The following ZKSCAN7 variants were observed in gnomAD, a reference collection of about 807,000 sequenced individuals.
ZKSCAN7 encodes the protein zinc finger protein with KRAB and SCAN domains 7.
In ZKSCAN7, 38 loss-of-function variants were observed where a neutral mutation model predicts 65.3. The ratio of observed to expected loss-of-function variants is 0.58; its 90% CI spans 0.45 to 0.76. The LOEUF (loss-of-function observed/expected upper bound fraction) is 0.76, where lower values mean the gene tolerates loss of function less well. ZKSCAN7 is among the 30% of genes least tolerant of loss of function. The pLI is 0.00. For synonymous variants in ZKSCAN7, 321 were observed against 321.0 expected, an observed-to-expected ratio of 1.00 and a Z score of 0.00; for missense variants, 815 against 913.3, an observed-to-expected ratio of 0.89 and a Z score of 1.39.
downstream of ZKSCAN7, among the ~76,000 whole-genome samples, chr3:44,573,652 A>G (rs1163483893): frequency 6.6e-6 from 1 of 152,166 alleles, no homozygotes; most frequent in Admixed American, 6.5e-5. Flanking sequence ...AAGCTCCCAG[A>G]TCCCAGGGAC....
intron 5 of ZKSCAN7, among the ~76,000 whole-genome samples, chr3:44,569,645 C>T (rs771568575): frequency 1.3e-5 from 2 of 152,136 alleles, no homozygotes; most frequent in Non-Finnish European, 2.9e-5. Flanking sequence ...TTGCAATCCA[C>T]TTTTTTGCTT....
chr3:44,580,401 T>C, intron 5 of ZKSCAN7: 1 of 1,601,526 alleles, frequency 6.2e-7, no homozygotes. Context: ...ATCTGGCTGG[T>C]CCTTGGTCCT....
At chr3:44,582,052 C>T (rs996401281) in intron 5 of ZKSCAN7, among the ~76,000 whole-genome samples, 2 of 152,190 alleles carry the variant, frequency 1.3e-5, no homozygotes, top group African/African-American at 2.4e-5. Context: ...ATCCCCTATC[C>T]CTAACATCAG....
downstream of ZKSCAN7, among the ~76,000 whole-genome samples, chr3:44,573,841 A>C (rs1699873511): frequency 6.6e-6 from 1 of 152,190 alleles, no homozygotes; most frequent in African/African-American, 2.4e-5. Flanking sequence ...ACTATTCATA[A>C]CTAAGGTGGG....
rs778712130 is a variant in ZKSCAN7 at position 44,570,175 on chromosome 3, C to A, written c.1065C>A (p.Asp355Glu). The A allele has an allele frequency of 1.2e-6, 2 of 1,614,170 alleles. No homozygotes were observed. The highest frequency in any genetic ancestry group is 8.5e-7 in the Non-Finnish European group (1 of 1,180,028). The change falls in exon 6 of 6, where the codon GAC (aspartate) becomes GAA (glutamate). Residue 355 changes from aspartate (D) to glutamate (E), a missense_variant. Asp to Glu is a conservative substitution (Grantham distance 45). This residue lies in a region of ZKSCAN7 where 578 missense variants were observed against 629.5 expected (regional missense o/e 0.92). Coordinates refer to ENST00000426540, the MANE Select transcript of ZKSCAN7 (RefSeq NM_001288590.2). Reference sequence around the variant, plus strand: ...AAAAATCCACAAAAGACAGATATGACAAATATAAGGAAGTTGGGGAACATC... The same window carrying A: ...AAAAATCCACAAAAGACAGATATGAAAAATATAAGGAAGTTGGGGAACATC... The part of the protein sequence containing the change: ...DKKKSTKDRY[D>E]KYKEVGEHPP...
downstream of ZKSCAN7, among the ~76,000 whole-genome samples, chr3:44,575,195 C>G (rs1699898232): frequency 1.3e-5 from 2 of 152,182 alleles, no homozygotes; most frequent in South Asian, 4.1e-4. Context: ...ATTCAGGAGA[C>G]TGAGGCAGGA....
chr3:44,572,004 AT>A lies in ZKSCAN7; in HGVS notation c.*630del. The A allele has an allele frequency of 1.0e-6, 1 of 986,102 alleles. No individual in the cohort carries two copies. The highest frequency in any genetic ancestry group is 1.2e-6 in the Non-Finnish European group (1 of 830,378). 61.1% of individuals were successfully genotyped at this position (986,102 alleles called of 1,614,324 possible). On this transcript the variant is annotated 3_prime_UTR_variant, in exon 6 of 6. Transcript: ENST00000426540. ...GCTTTGAATTCACTGGTGCTACAAT[AT>A]GTAACTGTGGTTAATTGCCTTGTAA...
In ZKSCAN7 at chr3:44,570,603, A is replaced by G. The variant is rs144736800; in HGVS notation, c.1493A>G (p.Asn498Ser). Residue 498 changes from asparagine (N) to serine (S), a missense_variant, in exon 6 of 6, where the codon AAT becomes AGT. Physicochemically the swap from Asn to Ser is conservative, Grantham distance 46. This residue lies in a region of ZKSCAN7 where 578 missense variants were observed against 629.5 expected (regional missense o/e 0.92). Transcript: ENST00000426540. The part of the protein sequence containing the change: ...THTGEKPYEC[N>S]ECGEAFIRSK... ...ACTGGGGAGAAACCTTATGAATGCA[A>G]TGAGTGTGGAGAGGCATTCATTCGA... 2.2e-5 allele frequency: 35 copies of G among 1,614,122 alleles called. No homozygotes were observed. In the African/African-American group the frequency reaches 3.5e-4, roughly 16 times the overall value.
At chr3:44,572,848 T>TAAAAAAAA (rs1699844379), downstream of ZKSCAN7, among the ~76,000 whole-genome samples, 1 of 31,048 alleles carries the variant, frequency 3.2e-5, no homozygotes, top group Non-Finnish European at 6.4e-5. Context: ...AGACTCTGTC[T>TAAAAAAAA]CAAAAAAAAA....
At chr3:44,582,475 G>A (rs185184602) in intron 5 of ZKSCAN7, among the ~76,000 whole-genome samples, 4 of 152,262 alleles carry the variant, frequency 2.6e-5, no homozygotes, top group East Asian at 1.9e-4. Flanking sequence ...CCAACTAGAC[G>A]TTGATTTCAT....
chr3:44,575,529 A>G (rs1699906325), downstream of ZKSCAN7, among the ~76,000 whole-genome samples: 1 of 152,254 alleles, frequency 6.6e-6, no homozygotes. Flanking sequence ...TAAAAAATCT[A>G]AAAGTTCCCA....
Position 44,555,363 on chromosome 3 carries a change from T to A in ZKSCAN7, c.-237T>A, listed in dbSNP as rs1484979582. 2 of 152,252 alleles carry A rather than the reference T, an allele frequency of 1.3e-5. No homozygotes were observed. Among genetic ancestry groups the A allele is most frequent in the Non-Finnish European group, 2.9e-5 (2 of 68,046 alleles). 9.4% of individuals were successfully genotyped at this position (152,252 alleles called of 1,614,324 possible). A position where few individuals can be genotyped will look rare whatever the true frequency, so the allele number is the denominator to read the frequency against. On this transcript the variant is annotated 5_prime_UTR_variant, in exon 1 of 6. Coordinates refer to ENST00000426540, the MANE Select transcript of ZKSCAN7 (RefSeq NM_001288590.2). ...CCGGCGGCAGGCGGCGCGGTCCCCG[T>A]GACTCTCAGAAGCCGCCCGATGTAG...
chr3:44,567,423 T>G (rs1699668802), intron 3 of ZKSCAN7, among the ~76,000 whole-genome samples: 1 of 152,168 alleles, frequency 6.6e-6, no homozygotes, highest in South Asian at 2.1e-4. Context: ...AAATGTCCCA[T>G]AGGCAATAGG....
chr3:44,581,172 C>T lies in ZKSCAN7; in HGVS notation c.812-1800C>T, dbSNP rs945542979. 11 of 826,934 alleles carry T rather than the reference C, an allele frequency of 1.3e-5. No homozygotes were observed. In the African/African-American group the frequency reaches 1.5e-4, roughly 11 times the overall value. The allele number at this position is 826,934 out of a possible 1,614,324, so 51.2% of individuals were successfully genotyped here. A position where few individuals can be genotyped will look rare whatever the true frequency, so the allele number is the denominator to read the frequency against. ...CCTTCCCTGCGGGCGGCTCGCTGCA[C>T]GCGCCGAGGCTCCTGAGCCGCCCGG... On this transcript the variant is annotated intron_variant, in intron 5 of 5. Transcript: ENST00000341840.
At position 44,570,480 on chromosome 3, in the gene ZKSCAN7, A is replaced by G. The variant is rs1383805711; in HGVS notation, c.1370A>G (p.His457Arg). The change falls in exon 6 of 6, where the codon CAC (histidine) becomes CGC (arginine). Residue 457 changes from histidine to arginine, a missense_variant. His to Arg is a conservative substitution (Grantham distance 29). Coordinates refer to ENST00000426540, the MANE Select transcript of ZKSCAN7 (RefSeq NM_001288590.2). ...AGGCACAGCTCCCATCTCATTCAAC[A>G]CCAGAGACTCCATAATGGGGAGAAA... The part of the protein sequence containing the change: ...AYRHSSHLIQ[H>R]QRLHNGEKPY... 2 of 1,614,100 alleles carry G rather than the reference A, an allele frequency of 1.2e-6. No individual in the cohort carries two copies.
intron 5 of ZKSCAN7, among the ~76,000 whole-genome samples, chr3:44,581,191 C>T (rs1233571385): frequency 6.8e-5 from 10 of 147,014 alleles, no homozygotes; most frequent in African/African-American, 9.8e-5. Context: ...GCTCCTGAGC[C>T]GCCCGGGCCT....
chr3:44,582,900 G>A (rs1700116504), intron 5 of ZKSCAN7: 1 of 406,892 alleles, frequency 2.5e-6, no homozygotes, highest in Non-Finnish European at 4.8e-6. Context: ...TAATGTACAT[G>A]AATATTCGTG....
In ZKSCAN7 at chr3:44,571,482, C is replaced by T; in HGVS notation, c.*107C>T. On this transcript the variant is annotated 3_prime_UTR_variant, in exon 6 of 6. Transcript: ENST00000426540. Reference sequence around the variant, plus strand: ...AGCCAGTAGTCACGGTGGACCATTCCCTACTTGCTTTTCCTTGGATCACTA... The same window carrying T: ...AGCCAGTAGTCACGGTGGACCATTCTCTACTTGCTTTTCCTTGGATCACTA... 6.3e-7 allele frequency: 1 copy of T among 1,590,642 alleles called. No homozygotes were observed. The highest frequency in any genetic ancestry group is 8.5e-7 in the Non-Finnish European group (1 of 1,173,842).
chr3:44,569,783 T>A, intron 5 of ZKSCAN7, 139 bp from the exon 6 acceptor site: 1 of 1,340,520 alleles, frequency 7.5e-7, no homozygotes, highest in Non-Finnish European at 9.6e-7. Context: ...ATATTTCCCA[T>A]TTTGCTCTTG....
Sources: gnomAD v4.1 joint callset for allele counts (sites outside exome capture counted in the v4.1 genomes callset) on GRCh38, gnomAD v4.1.1 for gene constraint, gnomAD v4.1.1 regional missense constraint, MANE v1.5 for transcripts, NCBI Gene and HGNC (gene_info 2026-07-23, HGNC 2026-07-21) for gene names.